Variants in ARAP1 observed in about 807,000 individuals in gnomAD.
ARAP1 encodes ArfGAP with RhoGAP domain, ankyrin repeat and PH domain 1, also known as arf-GAP with Rho-GAP domain, ANK repeat and PH domain-containing protein 1.
In ARAP1, 76 loss-of-function variants were observed where a neutral mutation model predicts 172.2. The observed-to-expected ratio is 0.44, with a 90% CI of 0.37 to 0.53. ARAP1 has a LOEUF of 0.53. Ranked by LOEUF, ARAP1 falls within the 20% of genes least tolerant of loss-of-function variation. The pLI is 0.00. For synonymous variants in ARAP1, 804 were observed against 803.3 expected (o/e 1.00, Z -0.01); for missense variants, 1,686 against 1,977.5 (o/e 0.85, Z 2.80).
At chr11:72,721,936 G>T in intron 3 of ARAP1, 2 of 986,492 alleles carry the variant, frequency 2.0e-6, no homozygotes, top group Non-Finnish European at 2.4e-6. Flanking sequence ...TCGTGTACCT[G>T]CCCGTGCAAG....
In ARAP1 at chr11:72,725,165, G is replaced by A. The variant is rs1030186725; in HGVS notation, c.509+1455C>T. On this transcript the variant is annotated intron_variant, in intron 3 of 34. Coordinates refer to ENST00000393609, the MANE Select transcript of ARAP1 (RefSeq NM_001040118.3). The surrounding 1 kb of genome is among the most constrained non-coding windows in gnomAD (Gnocchi z 4.3). ...GCAGGAACCCAGGCCTCCACTGCCC[G>A]TCCGGGAGTCACAGGAAGGGCCTGA... 5.9e-5 allele frequency among the ~76,000 whole-genome samples: 9 copies of A among 152,166 alleles called. No homozygotes were observed. The highest frequency in any genetic ancestry group is 9.7e-5 in the African/African-American group (4 of 41,440).
rs866065216 is a variant in ARAP1, at chr11:72,738,577, C to A, written c.-127-5980G>T. ...GCCTCAGCTTGTCCACCACCACCTC[C>A]CTTATACAGCCTCATCCCCTACCCT... On this transcript the variant is annotated intron_variant, in intron 1 of 34. Coordinates refer to ENST00000393609, the MANE Select transcript of ARAP1 (RefSeq NM_001040118.3). 5.9e-5 allele frequency among the ~76,000 whole-genome samples: 9 copies of A among 152,224 alleles called. No individual in the cohort carries two copies. The South Asian group carries it at 1.2e-3, about 21-fold the overall frequency.
At chr11:72,711,358 G>A (rs1422004505) in intron 8 of ARAP1, 72 bp downstream of exon 8, 12 of 1,548,528 alleles carry the variant, frequency 7.7e-6, no homozygotes, top group African/African-American at 5.4e-5. Flanking sequence ...GGGGAGGGAC[G>A]CCACCTCGCT....
chr11:72,695,726 C>T lies in ARAP1; in HGVS notation c.3412G>A (p.Val1138Met), dbSNP rs1405410134. The change falls in exon 24 of 35, where the codon GTG (valine) becomes ATG (methionine). Residue 1138 changes from valine (V) to methionine (M), a missense_variant. Coordinates refer to ENST00000393609, the MANE Select transcript of ARAP1 (RefSeq NM_001040118.3). The surrounding 1 kb of genome is among the most constrained non-coding windows in gnomAD (Gnocchi z 4.4). ...ACTGGCCAGGGACGCACACTAAACA[C>T]CACCACATAGTGGTTAATGAGGTCT... is the stretch of plus-strand genomic sequence containing the variant. ...VEDLINHYVV[V>M]FSVDEEELRK... is the part of the protein sequence containing the mutation. 6.2e-7 allele frequency: 1 copy of T among 1,614,196 alleles called. No individual in the cohort carries two copies. The highest frequency in any genetic ancestry group is 1.7e-5 in the Admixed American group (1 of 60,030).
Position 72,703,070 on chromosome 11 carries a change from C to A in ARAP1, c.2002G>T (p.Ala668Ser). ...GCCAGGTCTGTGGTGGTGACTGCAG[C>A]ACACAGGGCCTAGGAAGAGGCAGGG... is the stretch of plus-strand genomic sequence containing the variant. ...NQEELDKALCAAVTTTDLAET... is the reference protein window; with the variant it reads ...NQEELDKALCSAVTTTDLAET... Residue 668 changes from alanine (A) to serine (S), a missense_variant, in exon 15 of 35, where the codon GCT becomes TCT. Coordinates refer to ENST00000393609, the MANE Select transcript of ARAP1 (RefSeq NM_001040118.3). 6.3e-7 allele frequency: 1 copy of A among 1,576,468 alleles called. No individual in the cohort carries two copies. Among genetic ancestry groups the A allele is most frequent in the Non-Finnish European group, 8.6e-7 (1 of 1,163,518 alleles).
At chr11:72,687,409 A>C (rs1303429203) in intron 33 of ARAP1, 30 bp downstream of exon 33, 1 of 1,613,786 alleles carries the variant, frequency 6.2e-7, no homozygotes, top group Non-Finnish European at 8.5e-7. Flanking sequence ...CCAGGGACCC[A>C]CCCCACACCC....
At position 72,710,835 on chromosome 11, in the gene ARAP1, G is replaced by A. The variant is rs1031369868; in HGVS notation, c.1213+186C>T. Among the ~76,000 whole-genome samples the A allele has an allele frequency of 8.5e-5, 13 of 152,196 alleles. No homozygotes were observed. Among genetic ancestry groups the A allele is most frequent in the African/African-American group, 2.9e-4 (12 of 41,432 alleles). ...GTGTGGTTCTGAGGAGTCAGTGACC[G>A]TGCCAAGCACAGAGCCGGTCACAGA... On this transcript the variant is annotated intron_variant, in intron 9 of 34. Transcript: ENST00000393609. The surrounding 1 kb of genome is among the most constrained non-coding windows in gnomAD (Gnocchi z 4.3).
chr11:72,710,937 T>A lies in ARAP1; in HGVS notation c.1213+84A>T. On this transcript the variant is annotated intron_variant, in intron 9 of 34. Transcript: ENST00000393609. This position sits in a 1 kb window ranked among gnomAD's most constrained non-coding sequence, Gnocchi z 4.3. ...GTGATGTGAGAGGGCAGATGCACCATGACTCTCTTCCCCCTCCTCTGCCCA... is the reference window on the plus strand; with the variant it reads ...GTGATGTGAGAGGGCAGATGCACCAAGACTCTCTTCCCCCTCCTCTGCCCA... The A allele has an allele frequency of 6.3e-7, 1 of 1,591,714 alleles. No homozygotes were observed. The highest frequency in any genetic ancestry group is 2.2e-5 in the East Asian group (1 of 44,598).
chr11:72,691,565 C>T (rs899155562), intron 30 of ARAP1, among the ~76,000 whole-genome samples: 3 of 152,106 alleles, frequency 2.0e-5, no homozygotes, highest in African/African-American at 7.3e-5. Context: ...AGCAGGAGCC[C>T]AGGATGCATT....
In ARAP1 at chr11:72,685,496, A is replaced by T; in HGVS notation, c.*168T>A. ...CCCAGGCTGACCCCTGCTGCCTCCC[A>T]CCCCTGCCGGGGAACCCCATGCTGC... On this transcript the variant is annotated 3_prime_UTR_variant, in exon 35 of 35. Coordinates refer to ENST00000393609, the MANE Select transcript of ARAP1 (RefSeq NM_001040118.3). 1.0e-6 allele frequency: 1 copy of T among 956,064 alleles called. No individual in the cohort carries two copies. Among genetic ancestry groups the T allele is most frequent in the African/African-American group, 1.6e-5 (1 of 61,328 alleles). The allele number at this position is 956,064 out of a possible 1,614,324, so 59.2% of individuals were successfully genotyped here.
At chr11:72,688,350 C>T (rs778707068) in intron 31 of ARAP1, 105 bp downstream of exon 31, 12 of 1,007,162 alleles carry the variant, frequency 1.2e-5, no homozygotes, top group Non-Finnish European at 1.7e-5. Context: ...ATCAGAGCCC[C>T]TGCACCTATC....
intron 30 of ARAP1, among the ~76,000 whole-genome samples, chr11:72,691,748 C>T (rs567136911): frequency 1.3e-5 from 2 of 152,096 alleles, no homozygotes; most frequent in Non-Finnish European, 2.9e-5. Context: ...GCTAGACCAC[C>T]AGGCTTGGAA....
chr11:72,728,347 G>A (rs764793983), intron 2 of ARAP1, among the ~76,000 whole-genome samples: 18 of 152,290 alleles, frequency 1.2e-4, no homozygotes, highest in Non-Finnish European at 2.1e-4. Flanking sequence ...TTAGGAGGCC[G>A]AGGCGGGTGG....
chr11:72,688,324 G>C (rs1267471518), intron 31 of ARAP1, 131 bp downstream of exon 31: 1 of 739,304 alleles, frequency 1.4e-6, no homozygotes, highest in African/African-American at 1.8e-5. Context: ...GATGCTGCTG[G>C]TCTGGAGACC....
In ARAP1 at chr11:72,709,890, G is replaced by A; in HGVS notation, c.1503C>T (p.Thr501=). 6.2e-7 allele frequency: 1 copy of A among 1,614,142 alleles called. No homozygotes were observed. Among genetic ancestry groups the A allele is most frequent in the African/African-American group, 1.3e-5 (1 of 75,028 alleles). ...KEVDRRSFDL[T]TPYRIFSFSA... is the part of the protein sequence containing the mutation. ...GTCACCTGAAGATGCGGTAGGGCGT[G>A]GTGAGGTCGAAGCTGCGCCGGTCCA... The change falls in exon 11 of 35, where the codon ACC becomes ACT. Residue 501 remains threonine (T), a synonymous_variant. Transcript: ENST00000393609.
intron 2 of ARAP1, among the ~76,000 whole-genome samples, chr11:72,730,993 G>C (rs1366050562): frequency 6.6e-6 from 1 of 152,180 alleles, no homozygotes; most frequent in Non-Finnish European, 1.5e-5. Context: ...GAAAAGTGCA[G>C]AACAGTTTGT....
chr11:72,698,492 C>T (rs1359220345), intron 18 of ARAP1, among the ~76,000 whole-genome samples: 1 of 152,216 alleles, frequency 6.6e-6, no homozygotes, highest in Non-Finnish European at 1.5e-5. Context: ...TCATCTGGGT[C>T]CCAGGTCTCC....
chr11:72,730,398 G>A (rs1337004887), intron 2 of ARAP1, among the ~76,000 whole-genome samples: 2 of 152,170 alleles, frequency 1.3e-5, no homozygotes, highest in African/African-American at 4.8e-5. Flanking sequence ...CCCTGGCTGT[G>A]GAATGCCTCT....
At position 72,736,239 on chromosome 11, in the gene ARAP1, C is replaced by CTTT. The variant is rs61233618; in HGVS notation, c.-127-3645_-127-3643dup. 4.2e-3 allele frequency among the ~76,000 whole-genome samples: 554 copies of CTTT among 132,364 alleles called. 10 individuals are homozygous for CTTT. Among genetic ancestry groups the CTTT allele is most frequent in the African/African-American group, 0.015 (519 of 35,524 alleles). 86.8% of individuals were successfully genotyped at this position (132,364 alleles called of 152,430 possible). On this transcript the variant is annotated intron_variant, in intron 1 of 34. Coordinates refer to ENST00000393609, the MANE Select transcript of ARAP1 (RefSeq NM_001040118.3). ...GTTATTGCTTTTACATTTTAGTTAC[C>CTTT]TTTTTTTTTTTTTTTTTGAGACAGG...
Sources: allele counts gnomAD v4.1 joint callset (sites outside exome capture counted in the v4.1 genomes callset), GRCh38; gene constraint gnomAD v4.1.1; non-coding constraint Gnocchi (gnomAD v3.1); transcripts MANE v1.5; gene names NCBI Gene and HGNC (gene_info 2026-07-23, HGNC 2026-07-21).